Variants in AGPS observed in about 807,000 individuals in gnomAD.
The protein encoded by AGPS is alkylglycerone phosphate synthase.
Under a neutral mutation model 90.7 loss-of-function variants are expected in AGPS, and 26 were observed. That is an observed-to-expected ratio of 0.29 (90% CI 0.21 to 0.40). AGPS has a LOEUF of 0.40. Among genes scored for constraint, AGPS ranks in the 10% least tolerant of loss-of-function variants. The pLI is 1.00. For synonymous variants in AGPS, 294 were observed against 285.3 expected, an observed-to-expected ratio of 1.03 and a Z score of -0.31; for missense variants, 540 against 816.1, an observed-to-expected ratio of 0.66 and a Z score of 4.12.
At chr2:177,470,925 T>C (rs77639707) in intron 10 of AGPS, among the ~76,000 whole-genome samples, 4,390 of 152,164 alleles carry the variant, frequency 0.029, 86 homozygotes, top group East Asian at 0.081. Flanking sequence ...CAGTGCCCGG[T>C]GTCCTCAGCC....
At chr2:177,506,937 G>A (rs1688733845) in intron 15 of AGPS, among the ~76,000 whole-genome samples, 2 of 151,962 alleles carry the variant, frequency 1.3e-5, no homozygotes, top group Non-Finnish European at 2.9e-5. Context: ...AAATATAACT[G>A]TAACAAGTAC....
chr2:177,420,303 A>G lies in AGPS; in HGVS notation c.295A>G (p.Asn99Asp). 1 of 1,610,500 alleles carries G rather than the reference A, an allele frequency of 6.2e-7. No homozygotes were observed. The highest frequency in any genetic ancestry group is 8.5e-7 in the Non-Finnish European group (1 of 1,177,280). ...TATGAAATGGAATGGATGGGGATAT[A>G]ATGATTCTAAATTCATCTTCAATAA... The part of the protein sequence containing the change: ...EVMKWNGWGY[N>D]DSKFIFNKKG... Residue 99 changes from asparagine (N) to aspartate (D), a missense_variant, in exon 2 of 20, where the codon AAT (asparagine) becomes GAT (aspartate). Around this residue, in one of 2 missense-constraint regions of AGPS, gnomAD observed 405 missense variants for 692.1 expected, o/e 0.59. Transcript: ENST00000264167.
intron 10 of AGPS, among the ~76,000 whole-genome samples, chr2:177,480,297 A>G (rs539431350): frequency 6.6e-6 from 1 of 152,206 alleles, no homozygotes; most frequent in South Asian, 2.1e-4. Context: ...GTGCAGCACT[A>G]TTCACAATAG....
chr2:177,425,622 GAAAAA>G (rs1159060576), intron 2 of AGPS, among the ~76,000 whole-genome samples: 25 of 95,278 alleles, frequency 2.6e-4, no homozygotes, highest in Admixed American at 9.2e-4. Flanking sequence ...ACTCTGCCTA[GAAAAA>G]AAAAAAAAAA....
intron 2 of AGPS, among the ~76,000 whole-genome samples, chr2:177,430,525 A>G (rs1686211324): frequency 6.6e-6 from 1 of 152,050 alleles, no homozygotes; most frequent in African/African-American, 2.4e-5. Context: ...ACAGGTTACA[A>G]ATATGGAGTG....
intron 12 of AGPS, among the ~76,000 whole-genome samples, chr2:177,497,422 A>T (rs1455556448): frequency 6.6e-6 from 1 of 151,988 alleles, no homozygotes; most frequent in Non-Finnish European, 1.5e-5. Context: ...TATTAATTAC[A>T]TATAGTGATT....
Position 177,425,936 on chromosome 2 carries a change from A to G in AGPS, c.350+5578A>G, listed in dbSNP as rs1463775332. On this transcript the variant is annotated intron_variant, in intron 2 of 19. Transcript: ENST00000264167. ...TTTTCTAGTTCTGTGAAGAATGTCAATGATAGTTTAATGGGAATAGCATTG... is the reference window on the plus strand; with the variant it reads ...TTTTCTAGTTCTGTGAAGAATGTCAGTGATAGTTTAATGGGAATAGCATTG... Among the ~76,000 whole-genome samples the G allele has an allele frequency of 3.3e-5, 5 of 152,272 alleles. No individual in the cohort carries two copies. In the Middle Eastern group the frequency reaches 0.01, roughly 311 times the overall value.
intron 11 of AGPS, among the ~76,000 whole-genome samples, chr2:177,491,127 T>G (rs1368426704): frequency 9.8e-6 from 1 of 101,854 alleles, no homozygotes; most frequent in Non-Finnish European, 2.1e-5. Flanking sequence ...ATGCTGAGAT[T>G]ATAGGTGTGA....
chr2:177,491,310 A>C (rs980287005), intron 11 of AGPS, among the ~76,000 whole-genome samples: 3 of 150,664 alleles, frequency 2.0e-5, no homozygotes, highest in East Asian at 4.0e-4. Flanking sequence ...TCTGTCGCCC[A>C]GCAGGCTGGA....
chr2:177,427,178 T>A (rs992211259), intron 2 of AGPS, among the ~76,000 whole-genome samples: 1 of 152,218 alleles, frequency 6.6e-6, no homozygotes, highest in African/African-American at 2.4e-5. Context: ...TGATGATTGT[T>A]TGTATTTCTG....
At chr2:177,397,494 T>C (rs12993492) in intron 1 of AGPS, among the ~76,000 whole-genome samples, 1 of 151,586 alleles carries the variant, frequency 6.6e-6, no homozygotes, top group East Asian at 1.9e-4. Flanking sequence ...AAGGCTCTTG[T>C]GGTCTTACGA....
rs1234498270 is a variant in AGPS, at chr2:177,441,405, G to C, written c.709+369G>C. 9 of 168,724 alleles carry C rather than the reference G, an allele frequency of 5.3e-5. No homozygotes were observed. In the Admixed American group the frequency reaches 5.5e-4, roughly 10 times the overall value. 10.5% of individuals were successfully genotyped at this position (168,724 alleles called of 1,614,324 possible). Reference sequence around the variant, plus strand: ...ATATAAACCTTTGAGATTAGCATAGGAATGGTAATAAGACTCCCAACAATT... The same window carrying C: ...ATATAAACCTTTGAGATTAGCATAGCAATGGTAATAAGACTCCCAACAATT... On this transcript the variant is annotated intron_variant, in intron 6 of 19. Transcript: ENST00000264167.
chr2:177,488,443 C>T (rs1179242797), intron 11 of AGPS, among the ~76,000 whole-genome samples: 1 of 152,078 alleles, frequency 6.6e-6, no homozygotes, highest in East Asian at 1.9e-4. Flanking sequence ...GTCTCGATTT[C>T]CTGACCTTGT....
intron 8 of AGPS, among the ~76,000 whole-genome samples, chr2:177,457,551 A>G (rs1687157736): frequency 6.6e-6 from 1 of 152,242 alleles, no homozygotes; most frequent in African/African-American, 2.4e-5. Context: ...AATACTATAA[A>G]TGCCTCTACA....
chr2:177,471,152 A>G (rs1470470710), intron 10 of AGPS, among the ~76,000 whole-genome samples: 3 of 152,190 alleles, frequency 2.0e-5, no homozygotes, highest in Non-Finnish European at 4.4e-5. Flanking sequence ...GAAATAGTAA[A>G]TTTATATGAA....
At chr2:177,502,116 T>A (rs1184499155) in intron 14 of AGPS, among the ~76,000 whole-genome samples, 1 of 152,224 alleles carries the variant, frequency 6.6e-6, no homozygotes, top group African/African-American at 2.4e-5. Context: ...CAAGCACTAT[T>A]GCTGTACTTC....
In AGPS at chr2:177,521,350, C is replaced by T. The variant is rs753841033; in HGVS notation, c.1779C>T (p.Thr593=). ...FNYRGISDPL[T]VFEQTEAAAR... is the part of the protein sequence containing the mutation. ...ACAGGGGAATTAGTGACCCACTGAC[C>T]GTATTTGAACAAACTGAGGTAATTT... The change falls in exon 18 of 20, where the codon ACC becomes ACT. Residue 593 remains threonine (T), a synonymous_variant. Coordinates refer to ENST00000264167, the MANE Select transcript of AGPS (RefSeq NM_003659.4). 1.4e-5 allele frequency: 22 copies of T among 1,613,492 alleles called. No homozygotes were observed. The highest frequency in any genetic ancestry group is 1.3e-4 in the South Asian group (12 of 91,066).
intron 10 of AGPS, among the ~76,000 whole-genome samples, chr2:177,481,425 T>G (rs1016780071): frequency 6.6e-6 from 1 of 151,944 alleles, no homozygotes; most frequent in Non-Finnish European, 1.5e-5. Context: ...TGTGTTTTTA[T>G]TTTTTCTTTT....
intron 1 of AGPS, among the ~76,000 whole-genome samples, chr2:177,401,632 C>T (rs769373393): frequency 6.6e-6 from 1 of 152,026 alleles, no homozygotes; most frequent in Non-Finnish European, 1.5e-5. Flanking sequence ...GCAGCCTCCA[C>T]CTCCCAAGTT....
Sources: allele counts gnomAD v4.1 joint callset (sites outside exome capture counted in the v4.1 genomes callset), GRCh38; gene constraint gnomAD v4.1.1; regional missense constraint gnomAD v4.1.1; transcripts MANE v1.5; gene names NCBI Gene and HGNC (gene_info 2026-07-23, HGNC 2026-07-21).